Variants in CROCC observed in about 807,000 individuals in gnomAD.
The protein encoded by CROCC is rootletin.
A neutral mutation model predicts 245.2 loss-of-function variants in CROCC; 180 were observed. The observed-to-expected ratio is 0.73, with a 90% confidence interval of 0.65 to 0.83. The LOEUF is 0.83. CROCC is among the 40% of genes least tolerant of loss of function. The pLI is 0.00. For missense variants in CROCC, 2,688 were observed against 2,779.4 expected, an observed-to-expected ratio of 0.97 and a Z score of 0.74; for synonymous variants, 1,205 against 1,241.6, an observed-to-expected ratio of 0.97 and a Z score of 0.62.
chr1:16,931,491 A>G, intron 8 of CROCC, 94 bp downstream of exon 8: 1 of 1,224,760 alleles, frequency 8.2e-7, no homozygotes, highest in Non-Finnish European at 1.2e-6. Context: ...AACTCAACGC[A>G]CTTACTGTGC....
Position 16,936,718 on chromosome 1 carries a change from A to G in CROCC, c.1038A>G (p.Leu346=), listed in dbSNP as rs1298257313. 1.9e-6 allele frequency: 3 copies of G among 1,607,286 alleles called. No individual in the cohort carries two copies. The highest frequency in any genetic ancestry group is 3.4e-5 in the Admixed American group (2 of 59,050). ...CGGGCCTGGGACTGAGCACGGGCCT[A>G]CGGCTGGCAGAGAGCCGGGCCGAGG... is the stretch of plus-strand genomic sequence containing the variant. The part of the protein sequence containing the change: ...QEAGLGLSTG[L]RLAESRAEAA... Residue 346 remains leucine (L), a synonymous_variant, in exon 9 of 37, where the codon CTA becomes CTG. Coordinates refer to ENST00000375541, the MANE Select transcript of CROCC (RefSeq NM_014675.5).
Position 16,944,296 on chromosome 1 carries a change from C to T in CROCC, c.1991+14C>T, listed in dbSNP as rs116454738. 61,965 of 1,503,508 alleles carry T rather than the reference C, an allele frequency of 0.041. No homozygotes were observed. Among genetic ancestry groups the T allele is most frequent in the Middle Eastern group, 0.055 (306 of 5,584 alleles). The allele number at this position is 1,503,508 out of a possible 1,614,324, so 93.1% of individuals were successfully genotyped here. ...GCTTGAGCGCAGGTGAGCAGCATCT[C>T]GCCACCCTGCCAGGACCCTTCAGAT... On this transcript the variant is annotated intron_variant, in intron 14 of 36. Transcript: ENST00000375541.
Position 16,972,251 on chromosome 1 carries a change from G to A in CROCC, c.5968-109G>A, listed in dbSNP as rs575230482. The A allele has an allele frequency of 5.8e-5, 50 of 869,118 alleles. No homozygotes were observed. In the East Asian group the frequency reaches 1.2e-3, roughly 20 times the overall value. The allele number at this position is 869,118 out of a possible 1,614,324, so 53.8% of individuals were successfully genotyped here. A position where few individuals can be genotyped will look rare whatever the true frequency, so the allele number is the denominator to read the frequency against. On this transcript the variant is annotated intron_variant, in intron 36 of 36. Coordinates refer to ENST00000375541, the MANE Select transcript of CROCC (RefSeq NM_014675.5). ...CAGCCCCTGGCTCTCAGTGAGACCA[G>A]ACCTTTCCTGAAACTGTGGCACTGT...
chr1:16,938,589 T>G lies in CROCC; in HGVS notation c.1374+106T>G, dbSNP rs558287525. Reference sequence around the variant, plus strand: ...ACTGAACTGCAAATGGGTGGGGGCCTGGGACCCAGGCTGTAGCTGCTCAGC... The same window carrying G: ...ACTGAACTGCAAATGGGTGGGGGCCGGGGACCCAGGCTGTAGCTGCTCAGC... On this transcript the variant is annotated intron_variant, in intron 11 of 36. Coordinates refer to ENST00000375541, the MANE Select transcript of CROCC (RefSeq NM_014675.5). 2.1e-5 allele frequency: 23 copies of G among 1,110,278 alleles called. No individual in the cohort carries two copies. The African/African-American group carries it at 3.2e-4, about 15-fold the overall frequency. The allele number at this position is 1,110,278 out of a possible 1,614,324, so 68.8% of individuals were successfully genotyped here.
chr1:16,957,176 T>G (rs918324034), intron 25 of CROCC, among the ~76,000 whole-genome samples: 1 of 152,034 alleles, frequency 6.6e-6, no homozygotes, highest in African/African-American at 2.4e-5. Context: ...GGAGGCCAAG[T>G]TGGGAGGACT....
chr1:16,916,347 A>G (rs967164566), intron 1 of CROCC, among the ~76,000 whole-genome samples: 7 of 152,262 alleles, frequency 4.6e-5, no homozygotes, highest in Admixed American at 4.6e-4. Context: ...TATGACCTTT[A>G]CTGTGTGAAA....
chr1:16,954,866 T>C lies in CROCC; in HGVS notation c.3454T>C (p.Cys1152Arg). The C allele has an allele frequency of 1.3e-6, 2 of 1,532,500 alleles. No homozygotes were observed. Among genetic ancestry groups the C allele is most frequent in the Non-Finnish European group, 1.8e-6 (2 of 1,132,522 alleles). 94.9% of individuals were successfully genotyped at this position (1,532,500 alleles called of 1,614,324 possible). A position where few individuals can be genotyped will look rare whatever the true frequency, so the allele number is the denominator to read the frequency against. The change falls in exon 23 of 37, where the codon TGT (cysteine) becomes CGT (arginine). Residue 1152 changes from cysteine (C) to arginine (R), a missense_variant. Coordinates refer to ENST00000375541, the MANE Select transcript of CROCC (RefSeq NM_014675.5). This position sits in a 1 kb window ranked among gnomAD's most constrained non-coding sequence, Gnocchi z 4.4. ...AGACCTGGGCAAGCAGCGGGACTCC[T>C]GTCTTCGCGAGGTGAGCAGCCGCCC... ...ARDLGKQRDS[C>R]LREAEELRTQ... is the part of the protein sequence containing the mutation.
chr1:16,915,950 G>A (rs1250047566), intron 1 of CROCC, among the ~76,000 whole-genome samples: 1 of 152,260 alleles, frequency 6.6e-6, no homozygotes, highest in African/African-American at 2.4e-5. Flanking sequence ...AGGCTAAGGT[G>A]GGTGGATCAC....
chr1:16,928,452 G>A (rs2075585749), intron 3 of CROCC, among the ~76,000 whole-genome samples: 1 of 152,246 alleles, frequency 6.6e-6, no homozygotes, highest in Non-Finnish European at 1.5e-5. Flanking sequence ...GTGGAGGAAG[G>A]GCAGCAGCAA....
chr1:16,968,104 G>A (rs1051217390), intron 30 of CROCC, 99 bp from the exon 31 acceptor site: 23 of 1,265,790 alleles, frequency 1.8e-5, no homozygotes, highest in Admixed American at 1.2e-4. Flanking sequence ...GTCACCCTTC[G>A]AGGCTGCTCC....
intron 20 of CROCC, chr1:16,953,025 C>T: frequency 2.4e-6 from 1 of 420,884 alleles, no homozygotes; most frequent in Non-Finnish European, 4.4e-6. Flanking sequence ...GTGTTCTTGG[C>T]CTGGGGTGGT....
rs2076416914 is a variant in CROCC, at chr1:16,966,305, T to C, written c.4697-103T>C. 1 of 1,435,874 alleles carries C rather than the reference T, an allele frequency of 7.0e-7. No homozygotes were observed. Among genetic ancestry groups the C allele is most frequent in the Non-Finnish European group, 9.2e-7 (1 of 1,086,632 alleles). 88.9% of individuals were successfully genotyped at this position (1,435,874 alleles called of 1,614,324 possible). A position where few individuals can be genotyped will look rare whatever the true frequency, so the allele number is the denominator to read the frequency against. On this transcript the variant is annotated intron_variant, in intron 29 of 36. Transcript: ENST00000375541. This position sits in a 1 kb window ranked among gnomAD's most constrained non-coding sequence, Gnocchi z 4.8. Reference sequence around the variant, plus strand: ...CGCATACTACGAAGGGTGCAGACAGTCTGGCCCTGCACTGGGTGGAGTGCA... The same window carrying C: ...CGCATACTACGAAGGGTGCAGACAGCCTGGCCCTGCACTGGGTGGAGTGCA...
In CROCC at chr1:16,966,134, C is replaced by T. The variant is rs2076414042; in HGVS notation, c.4696+15C>T. ...GAGTGAGGAAGGTGAGTCTGATCCT[C>T]GGGGTCCCTGTTCTCTCTCCTGTGT... On this transcript the variant is annotated intron_variant, in intron 29 of 36. Coordinates refer to ENST00000375541, the MANE Select transcript of CROCC (RefSeq NM_014675.5). This position sits in a 1 kb window ranked among gnomAD's most constrained non-coding sequence, Gnocchi z 4.8. 2.5e-6 allele frequency: 4 copies of T among 1,603,556 alleles called. No homozygotes were observed. Among genetic ancestry groups the T allele is most frequent in the Middle Eastern group, 1.7e-4 (1 of 6,052 alleles).
chr1:16,969,824 C>T lies in CROCC; in HGVS notation c.5341C>T (p.Arg1781Trp). Reference sequence around the variant, plus strand: ...CGCCCGGCAGGCATTATCTGAGGCACGGAAGCAGAGCAGCTCCCTGGGCGA... The same window carrying T: ...CGCCCGGCAGGCATTATCTGAGGCATGGAAGCAGAGCAGCTCCCTGGGCGA... ...DAARQALSEARKQSSSLGEQV... is the reference protein window; with the variant it reads ...DAARQALSEAWKQSSSLGEQV... The change falls in exon 33 of 37, where the codon CGG (arginine) becomes TGG (tryptophan). Residue 1781 changes from arginine to tryptophan, a missense_variant. Coordinates refer to ENST00000375541, the MANE Select transcript of CROCC (RefSeq NM_014675.5). The T allele has an allele frequency of 2.5e-6, 4 of 1,613,274 alleles. No individual in the cohort carries two copies. Among genetic ancestry groups the T allele is most frequent in the Non-Finnish European group, 3.4e-6 (4 of 1,179,744 alleles).
Position 16,940,074 on chromosome 1 carries a change from G to T in CROCC, c.1789G>T (p.Ala597Ser), listed in dbSNP as rs1024085663. Residue 597 changes from alanine (A) to serine (S), a missense_variant, in exon 13 of 37, where the codon GCC becomes TCC. Around this residue, in one of 9 missense-constraint regions of CROCC, gnomAD observed 972 missense variants for 895.3 expected, o/e 1.09. Transcript: ENST00000375541. ...GCGCGAGGTGCAGCGGCTGCGGAGC[G>T]CCAACGAGCTCCTGAGCAGGTGCCG... ...AQREVQRLRS[A>S]NELLSREKSN... The T allele has an allele frequency of 4.4e-6, 7 of 1,605,912 alleles. No individual in the cohort carries two copies. The highest frequency in any genetic ancestry group is 5.9e-6 in the Non-Finnish European group (7 of 1,177,746).
At chr1:16,959,864 G>A (rs925620122) in intron 26 of CROCC, among the ~76,000 whole-genome samples, 1 of 151,962 alleles carries the variant, frequency 6.6e-6, no homozygotes, top group South Asian at 2.1e-4. Context: ...CCCCCGTGTG[G>A]CCCCGTGTGG....
At chr1:16,925,349 ATG>A (rs2075511183) in intron 3 of CROCC, among the ~76,000 whole-genome samples, 1 of 152,274 alleles carries the variant, frequency 6.6e-6, no homozygotes, top group Non-Finnish European at 1.5e-5. Context: ...TATGATGCCC[ATG>A]TAACAGAGGA....
At chr1:16,949,462 T>C (rs566194777) in intron 19 of CROCC, among the ~76,000 whole-genome samples, 33 of 152,358 alleles carry the variant, frequency 2.2e-4, no homozygotes, top group African/African-American at 7.7e-4. Flanking sequence ...TGCTGGTGGG[T>C]TTCCAACCCG....
rs2273112 is a variant in CROCC, at chr1:16,961,144, C to T, written c.4405+14C>T. The T allele has an allele frequency of 0.13, 166,971 of 1,301,912 alleles. 11,598 individuals carry two copies. Among genetic ancestry groups the T allele is most frequent in the South Asian group, 0.21 (10,134 of 47,990 alleles). The allele number at this position is 1,301,912 out of a possible 1,614,324, so 80.6% of individuals were successfully genotyped here. A position where few individuals can be genotyped will look rare whatever the true frequency, so the allele number is the denominator to read the frequency against. ...CACCCGCAGAAGGTAAGGGCAGTGC[C>T]GCGCGCAGGGAAGGGGGGAGGTGGG... is the stretch of plus-strand genomic sequence containing the variant. On this transcript the variant is annotated intron_variant, in intron 27 of 36. Transcript: ENST00000375541.
Sources: gnomAD v4.1 joint callset for allele counts (sites outside exome capture counted in the v4.1 genomes callset) on GRCh38, gnomAD v4.1.1 for gene constraint, gnomAD v4.1.1 regional missense constraint, Gnocchi (gnomAD v3.1) non-coding constraint, MANE v1.5 for transcripts, NCBI Gene and HGNC (gene_info 2026-07-23, HGNC 2026-07-21) for gene names.